SORCS3: variants seen among roughly 807,000 people sequenced by gnomAD.
The protein encoded by SORCS3 is sortilin related VPS10 domain containing receptor 3.
Under a neutral mutation model 146.3 loss-of-function variants are expected in SORCS3, and 57 were observed. The ratio of observed to expected loss-of-function variants is 0.39; its 90% CI spans 0.31 to 0.49. The LOEUF (loss-of-function observed/expected upper bound fraction) is 0.49. Ranked by LOEUF, SORCS3 falls within the 20% of genes least tolerant of loss-of-function variation. The pLI, the probability that SORCS3 is intolerant of heterozygous loss-of-function variation, is 0.92. For missense variants in SORCS3, 1,341 were observed against 1,575.5 expected, an observed-to-expected ratio of 0.85 and a Z score of 2.52; for synonymous variants, 653 against 618.5, an observed-to-expected ratio of 1.06 and a Z score of -0.83.
At chr10:104,670,561 C>A (rs576407812) in intron 1 of SORCS3, among the ~76,000 whole-genome samples, 2 of 152,212 alleles carry the variant, frequency 1.3e-5, no homozygotes, top group Non-Finnish European at 2.9e-5. Flanking sequence ...TTTGCTAGTG[C>A]CACACTGTTT....
Position 105,230,799 on chromosome 10 carries a change from A to G in SORCS3, c.2868+7550A>G, listed in dbSNP as rs184283298. ...TGTAGTCGCTGTTGGGCCCCAGAGCAAGGCAAAGTCTGTTGGGAGCTAGGT... is the reference window on the plus strand; with the variant it reads ...TGTAGTCGCTGTTGGGCCCCAGAGCGAGGCAAAGTCTGTTGGGAGCTAGGT... On this transcript the variant is annotated intron_variant, in intron 20 of 26. Coordinates refer to ENST00000369701, the MANE Select transcript of SORCS3 (RefSeq NM_014978.3). 5.9e-5 allele frequency among the ~76,000 whole-genome samples: 9 copies of G among 152,284 alleles called. No homozygotes were observed. The South Asian group carries it at 6.2e-4, about 11-fold the overall frequency.
Position 105,010,544 on chromosome 10 carries a change from C to T in SORCS3, c.955-32511C>T, listed in dbSNP as rs540113296. 2.6e-5 allele frequency among the ~76,000 whole-genome samples: 4 copies of T among 152,314 alleles called. No individual in the cohort carries two copies. The South Asian group carries it at 8.3e-4, about 32-fold the overall frequency. ...CAGGGAACTATAGCTTTAAGTTGTG[C>T]TCTAGCTAATAAGTGATTTTCCACT... On this transcript the variant is annotated intron_variant, in intron 4 of 26. Transcript: ENST00000369701.
intron 1 of SORCS3, among the ~76,000 whole-genome samples, chr10:104,652,541 T>G (rs1031734550): frequency 9.2e-5 from 14 of 152,212 alleles, no homozygotes; most frequent in African/African-American, 3.1e-4. Flanking sequence ...TAGAGACCCT[T>G]TGACAACAGA....
intron 4 of SORCS3, among the ~76,000 whole-genome samples, chr10:105,031,132 T>C (rs1446405167): frequency 6.6e-6 from 1 of 151,608 alleles, no homozygotes; most frequent in Non-Finnish European, 1.5e-5. Context: ...CCGTCTCTAG[T>C]AAAAACACAT....
At chr10:105,069,070 C>T (rs2055540346) in intron 5 of SORCS3, among the ~76,000 whole-genome samples, 1 of 152,136 alleles carries the variant, frequency 6.6e-6, no homozygotes, top group South Asian at 2.1e-4. Context: ...TTATACAAAT[C>T]CTTTAGCATG....
At chr10:105,019,605 C>T (rs1166188864) in intron 4 of SORCS3, among the ~76,000 whole-genome samples, 1 of 152,212 alleles carries the variant, frequency 6.6e-6, no homozygotes, top group Non-Finnish European at 1.5e-5. Context: ...TGAAGCTGAA[C>T]ATTCCTCTCT....
intron 20 of SORCS3, among the ~76,000 whole-genome samples, chr10:105,231,862 T>G (rs999604479): frequency 2.0e-5 from 3 of 152,156 alleles, no homozygotes; most frequent in African/African-American, 4.8e-5. Context: ...CTCATAGTGG[T>G]TATGTAGTAT....
Position 105,051,652 on chromosome 10 carries a change from G to T in SORCS3, c.1028+8524G>T, listed in dbSNP as rs74155102. On this transcript the variant is annotated intron_variant, in intron 5 of 26. Transcript: ENST00000369701. ...TCAAACAAAGTTAACATTATGGGCT[G>T]AATTTTTGAAGCTGCCTCTAAATGT... Among the ~76,000 whole-genome samples the T allele has an allele frequency of 1.2e-4, 19 of 152,160 alleles. No homozygotes were observed. In the East Asian group the frequency reaches 3.7e-3, roughly 30 times the overall value.
At position 105,247,207 on chromosome 10, in the gene SORCS3, C is replaced by T. The variant is rs1320334069; in HGVS notation, c.2993-12C>T. The T allele has an allele frequency of 1.3e-6, 2 of 1,489,438 alleles. No individual in the cohort carries two copies. Among genetic ancestry groups the T allele is most frequent in the African/African-American group, 2.8e-5 (2 of 72,224 alleles). 92.3% of individuals were successfully genotyped at this position (1,489,438 alleles called of 1,614,324 possible). Reference sequence around the variant, plus strand: ...TCTCCCAGCCTCACTTAAACATTCTCTCTCCCTGCAGAATATTTCCAGTCC... The same window carrying T: ...TCTCCCAGCCTCACTTAAACATTCTTTCTCCCTGCAGAATATTTCCAGTCC... On this transcript the variant is annotated splice_polypyrimidine_tract_variant and intron_variant, in intron 21 of 26. Transcript: ENST00000369701.
chr10:104,802,363 T>G (rs1163679101), intron 1 of SORCS3, among the ~76,000 whole-genome samples: 1 of 152,234 alleles, frequency 6.6e-6, no homozygotes, highest in Admixed American at 6.5e-5. Flanking sequence ...AAGTTGATTT[T>G]TCAAAATCTT....
chr10:104,787,329 C>G (rs1275217366), intron 1 of SORCS3, among the ~76,000 whole-genome samples: 2 of 152,176 alleles, frequency 1.3e-5, no homozygotes, highest in Non-Finnish European at 2.9e-5. Flanking sequence ...GCTGGAGTCT[C>G]TGTTGAGGGC....
chr10:105,182,230 C>CTTTTTTTTTTTTTTTTTTTTTTTTTTT (rs11340368), intron 14 of SORCS3, among the ~76,000 whole-genome samples: 5 of 70,474 alleles, frequency 7.1e-5, no homozygotes, highest in South Asian at 6.2e-4. Flanking sequence ...TATTCAGCAT[C>CTTTTTTTTTTTTTTTTTTTTTTTTTTT]TTTTTTTTTT....
intron 1 of SORCS3, among the ~76,000 whole-genome samples, chr10:104,748,544 C>T (rs2016942332): frequency 6.6e-6 from 1 of 152,096 alleles, no homozygotes; most frequent in South Asian, 2.1e-4. Context: ...AAAATCCAGG[C>T]CTCAGGGATA....
intron 14 of SORCS3, among the ~76,000 whole-genome samples, chr10:105,186,424 A>G (rs781046242): frequency 6.6e-5 from 10 of 152,170 alleles, no homozygotes; most frequent in Non-Finnish European, 1.3e-4. Flanking sequence ...GTTGGACTCG[A>G]TGGCAAACTA....
intron 2 of SORCS3, among the ~76,000 whole-genome samples, chr10:104,848,057 C>T (rs897316740): frequency 2.0e-5 from 3 of 151,994 alleles, no homozygotes; most frequent in African/African-American, 4.8e-5. Context: ...GGGCAGGGAC[C>T]GTGTGCCTTA....
At chr10:104,883,982 G>C (rs924967804) in intron 2 of SORCS3, among the ~76,000 whole-genome samples, 4 of 151,730 alleles carry the variant, frequency 2.6e-5, no homozygotes, top group African/African-American at 9.7e-5. Context: ...GAATGAGGGG[G>C]GGGAAAGGGT....
intron 2 of SORCS3, among the ~76,000 whole-genome samples, chr10:104,877,523 T>C (rs2018588417): frequency 6.6e-6 from 1 of 152,236 alleles, no homozygotes; most frequent in Non-Finnish European, 1.5e-5. Flanking sequence ...TATCTTGCTG[T>C]CTGCTATTCC....
At chr10:104,693,595 G>A (rs533170875) in intron 1 of SORCS3, among the ~76,000 whole-genome samples, 1 of 152,114 alleles carries the variant, frequency 6.6e-6, no homozygotes, top group South Asian at 2.1e-4. Flanking sequence ...GACTCCATAC[G>A]GACACAGTGC....
At chr10:104,939,454 G>A (rs7085496) in intron 3 of SORCS3, among the ~76,000 whole-genome samples, 59,834 of 152,024 alleles carry the variant, frequency 0.39, 16,068 homozygotes, top group African/African-American at 0.77. Context: ...CAAAATGTCC[G>A]ATCAAAGCAG....
Sources: gnomAD v4.1 joint callset for allele counts (sites outside exome capture counted in the v4.1 genomes callset) on GRCh38, gnomAD v4.1.1 for gene constraint, MANE v1.5 for transcripts, NCBI Gene and HGNC (gene_info 2026-07-23, HGNC 2026-07-21) for gene names.